The following PAK1 variants were observed in gnomAD, a reference collection of about 807,000 sequenced individuals.
The protein encoded by PAK1 is serine/threonine-protein kinase PAK 1.
A neutral mutation model predicts 67.4 loss-of-function variants in PAK1; 29 were observed. That is an observed-to-expected ratio of 0.43 (90% CI 0.32 to 0.59). The LOEUF is 0.59. Among genes scored for constraint, PAK1 ranks in the 20% least tolerant of loss-of-function variants. The probability of loss-of-function intolerance (pLI) is 0.07; values close to 1 mark genes in which losing one functional copy is unlikely to be tolerated. For synonymous variants in PAK1, 223 were observed against 237.4 expected, an observed-to-expected ratio of 0.94 and a Z score of 0.56; for missense variants, 337 against 670.7, an observed-to-expected ratio of 0.50 and a Z score of 5.50.
At chr11:77,413,733 A>G (rs568302189) in intron 1 of PAK1, among the ~76,000 whole-genome samples, 16 of 152,052 alleles carry the variant, frequency 1.1e-4, no homozygotes, top group African/African-American at 3.9e-4. Flanking sequence ...AGGAAGGAAG[A>G]AAAGAAAGAA....
chr11:77,447,348 A>C (rs1956658983), intron 1 of PAK1, among the ~76,000 whole-genome samples: 1 of 149,312 alleles, frequency 6.7e-6, no homozygotes, highest in Non-Finnish European at 1.5e-5. Flanking sequence ...GGTTACCAGC[A>C]CCTAACAAAA....
intron 1 of PAK1, among the ~76,000 whole-genome samples, chr11:77,440,397 T>C (rs1956303980): frequency 2.0e-5 from 3 of 151,974 alleles, no homozygotes; most frequent in South Asian, 2.1e-4. Context: ...AGAACAAAAA[T>C]AATAATAAAT....
At chr11:77,474,880 C>T (rs962451306), upstream of PAK1, 2 of 152,138 alleles carry the variant, frequency 1.3e-5, no homozygotes, top group Non-Finnish European at 2.9e-5. Flanking sequence ...GCATACTCTT[C>T]GTACCTCAGA....
In PAK1 at chr11:77,408,538, C is replaced by T. The variant is rs2725835; in HGVS notation, c.-21-15997G>A. ...TAGAGCCACTATGGAGAAATACACA[C>T]ACACACACACACACACACACACACA... is the stretch of plus-strand genomic sequence containing the variant. On this transcript the variant is annotated intron_variant, in intron 1 of 14. Coordinates refer to ENST00000356341, the MANE Select transcript of PAK1 (RefSeq NM_002576.5). 3.4e-3 allele frequency among the ~76,000 whole-genome samples: 338 copies of T among 97,976 alleles called. 8 individuals are homozygous for T. The highest frequency in any genetic ancestry group is 2.6e-3 in the South Asian group (5 of 1,900). 64.3% of individuals were successfully genotyped at this position (97,976 alleles called of 152,430 possible). A position where few individuals can be genotyped will look rare whatever the true frequency, so the allele number is the denominator to read the frequency against.
intron 1 of PAK1, among the ~76,000 whole-genome samples, chr11:77,470,760 C>T (rs962950758): frequency 1.3e-5 from 2 of 152,194 alleles, no homozygotes; most frequent in Non-Finnish European, 2.9e-5. Context: ...GTTAAGAGTG[C>T]TTATTTAGAC....
At chr11:77,499,825 CA>C in the PAK1 span, among the ~76,000 whole-genome samples, 1 of 152,102 alleles carries the variant, frequency 6.6e-6, no homozygotes, top group Non-Finnish European at 1.5e-5. Flanking sequence ...ACACACAGAG[CA>C]GTAGACTTTC....
intron 1 of PAK1, among the ~76,000 whole-genome samples, chr11:77,441,826 T>G (rs1354247885): frequency 6.6e-6 from 1 of 152,226 alleles, no homozygotes; most frequent in Admixed American, 6.5e-5. Flanking sequence ...TTTCATCAGC[T>G]AATTTTCTCC....
intron 14 of PAK1, among the ~76,000 whole-genome samples, chr11:77,327,669 A>G (rs1940356718): frequency 6.6e-6 from 1 of 152,254 alleles, no homozygotes; most frequent in African/African-American, 2.4e-5. Context: ...AGTACCAGCC[A>G]CTGCAAAAAC....
chr11:77,470,459 C>T (rs1472139677), intron 1 of PAK1, among the ~76,000 whole-genome samples: 1 of 152,144 alleles, frequency 6.6e-6, no homozygotes, highest in Admixed American at 6.5e-5. Flanking sequence ...AGCTGAACAT[C>T]CTGCCCAGCA....
At chr11:77,426,276 T>C (rs1017663871) in intron 1 of PAK1, among the ~76,000 whole-genome samples, 1 of 152,058 alleles carries the variant, frequency 6.6e-6, no homozygotes, top group East Asian at 1.9e-4. Context: ...ATGAAGGTTA[T>C]ATAAGATAAT....
At chr11:77,374,096 T>G (rs150025816) in intron 5 of PAK1, among the ~76,000 whole-genome samples, 2 of 152,214 alleles carry the variant, frequency 1.3e-5, no homozygotes, top group African/African-American at 2.4e-5. Context: ...TCCATAAAAA[T>G]TAAAAATAAA....
At chr11:77,353,325 A>G (rs1945541722) in intron 8 of PAK1, 1 of 475,308 alleles carries the variant, frequency 2.1e-6, no homozygotes, top group Non-Finnish European at 3.8e-6. Context: ...GGGTATTTTT[A>G]GCAACATGGT....
chr11:77,482,276 A>G, the PAK1 span, among the ~76,000 whole-genome samples: 1 of 78,212 alleles, frequency 1.3e-5, no homozygotes, highest in Non-Finnish European at 3.2e-5. Context: ...GGCGTGAGCC[A>G]CCACGCCCGG....
At chr11:77,474,961 T>TATTAGTGATAGGA, upstream of PAK1, 2 of 152,304 alleles carry the variant, frequency 1.3e-5, no homozygotes, top group African/African-American at 4.8e-5. Context: ...TTGCTTGAAA[T>TATTAGTGATAGGA]CCTAGCTATT....
At chr11:77,377,338 A>C (rs1949227285) in intron 4 of PAK1, among the ~76,000 whole-genome samples, 1 of 152,174 alleles carries the variant, frequency 6.6e-6, no homozygotes, top group Non-Finnish European at 1.5e-5. Context: ...GTAAATAGGG[A>C]AAGGAGAGAT....
At chr11:77,493,445 A>AT in the PAK1 span, among the ~76,000 whole-genome samples, 8,851 of 70,920 alleles carry the variant, frequency 0.12, 1,706 homozygotes, top group East Asian at 0.21. Flanking sequence ...TGCCCAGCTA[A>AT]TTTTTTTTTT....
chr11:77,332,665 G>C (rs1473019355), intron 14 of PAK1, 65 bp downstream of exon 14: 5 of 1,329,260 alleles, frequency 3.8e-6, no homozygotes, highest in Non-Finnish European at 5.4e-6. Flanking sequence ...TTACAAACAT[G>C]AAGTAAAAAA....
At chr11:77,402,576 G>T (rs991879607) in intron 1 of PAK1, among the ~76,000 whole-genome samples, 1 of 151,998 alleles carries the variant, frequency 6.6e-6, no homozygotes, top group Non-Finnish European at 1.5e-5. Context: ...GTTGAGGCCT[G>T]TAAGGCCTCA....
intron 1 of PAK1, among the ~76,000 whole-genome samples, chr11:77,471,426 A>G: frequency 6.6e-6 from 1 of 152,242 alleles, no homozygotes; most frequent in East Asian, 1.9e-4. Flanking sequence ...AGCGCTACAG[A>G]AGGCCATAAA....
Sources: gnomAD v4.1 joint callset for allele counts (sites outside exome capture counted in the v4.1 genomes callset) on GRCh38, gnomAD v4.1.1 for gene constraint, MANE v1.5 for transcripts, NCBI Gene and HGNC (gene_info 2026-07-23, HGNC 2026-07-21) for gene names.